Variants in HK1 observed in about 807,000 individuals in gnomAD.
HK1 encodes hexokinase 1.
HK1 carries 28 observed loss-of-function variants against 91.6 expected under a neutral mutation model. The ratio of observed to expected loss-of-function variants is 0.31; its 90% CI spans 0.23 to 0.42. The LOEUF (loss-of-function observed/expected upper bound fraction) is 0.42, where lower values mean the gene tolerates loss of function less well. Among genes scored for constraint, HK1 ranks in the 10% least tolerant of loss-of-function variants. The pLI, the probability that HK1 is intolerant of heterozygous loss-of-function variation, is 1.00. For synonymous variants in HK1, 430 were observed against 468.1 expected (o/e 0.92, Z 1.05); for missense variants, 770 against 1,219.8 (o/e 0.63, Z 5.49).
intron 2 of HK1, among the ~76,000 whole-genome samples, chr10:69,359,094 C>A (rs1849289111): frequency 6.6e-6 from 1 of 151,688 alleles, no homozygotes; most frequent in Non-Finnish European, 1.5e-5. Context: ...TATGGATGAA[C>A]CTTGAAAACG....
intron 15 of HK1, 58 bp from the exon 16 acceptor site, chr10:69,394,892 G>A (rs932932793): frequency 8.9e-6 from 14 of 1,567,412 alleles, no homozygotes; most frequent in Non-Finnish European, 1.2e-5. Context: ...GAGACCGAGG[G>A]GTGACAGTTC....
chr10:69,282,656 T>G (rs368311960), exon 2 of HK1: 1 of 152,188 alleles, frequency 6.6e-6, no homozygotes, highest in African/African-American at 2.4e-5. Flanking sequence ...ACAGTGTATG[T>G]TGTCCTTTTG....
At chr10:69,323,996 G>A (rs183574072) in intron 1 of HK1, among the ~76,000 whole-genome samples, 9 of 152,260 alleles carry the variant, frequency 5.9e-5, no homozygotes, top group Non-Finnish European at 1.3e-4. Context: ...TCTGCATCCA[G>A]GAATCAGTTG....
upstream of HK1, among the ~76,000 whole-genome samples, chr10:69,316,838 C>T (rs1846672301): frequency 6.6e-6 from 1 of 152,230 alleles, no homozygotes; most frequent in Non-Finnish European, 1.5e-5. Context: ...ACATAGTCCT[C>T]CATCCTCAAG....
chr10:69,348,178 A>G (rs1185761193), intron 2 of HK1, among the ~76,000 whole-genome samples: 1 of 152,202 alleles, frequency 6.6e-6, no homozygotes, highest in Non-Finnish European at 1.5e-5. Context: ...TACCCAAAAG[A>G]GAAGTTTTTA....
At chr10:69,343,659 C>A (rs1848401196) in intron 1 of HK1, among the ~76,000 whole-genome samples, 168 bp from the exon 2 acceptor site, 2 of 152,210 alleles carry the variant, frequency 1.3e-5, no homozygotes, top group African/African-American at 4.8e-5. Context: ...ATTTGCAAGC[C>A]TGTTCTGGGT....
intron 4 of HK1, among the ~76,000 whole-genome samples, chr10:69,367,822 GT>G (rs548385730): frequency 4.0e-5 from 6 of 151,758 alleles, no homozygotes; most frequent in East Asian, 3.9e-4. Context: ...TATCTTTTTA[GT>G]TTTTTTTTAA....
At chr10:69,350,628 C>T (rs1277940203) in intron 2 of HK1, among the ~76,000 whole-genome samples, 1 of 151,900 alleles carries the variant, frequency 6.6e-6, no homozygotes, top group African/African-American at 2.4e-5. Flanking sequence ...CGCCATTGCA[C>T]TCCAGCCCGG....
At chr10:69,386,484 C>T (rs1370130507) in intron 13 of HK1, 66 bp downstream of exon 13, 14 of 1,325,616 alleles carry the variant, frequency 1.1e-5, no homozygotes, top group Non-Finnish European at 1.4e-5. Flanking sequence ...AGTGTATTTG[C>T]CTGTTGTAAA....
chr10:69,398,513 G>A (rs140229226), intron 16 of HK1, 82 bp from the exon 17 acceptor site: 44 of 968,294 alleles, frequency 4.5e-5, no homozygotes, highest in African/African-American at 3.4e-4. Context: ...GATTGGGGGC[G>A]GGGGGCGTCC....
At chr10:69,351,262 CT>C (rs1233595571) in intron 2 of HK1, among the ~76,000 whole-genome samples, 1 of 151,990 alleles carries the variant, frequency 6.6e-6, no homozygotes, top group African/African-American at 2.4e-5. Flanking sequence ...AATCCCAGCA[CT>C]TTGGGAGGCC....
At chr10:69,286,937 G>A (rs971982672) in intron 2 of HK1, among the ~76,000 whole-genome samples, 9 of 152,238 alleles carry the variant, frequency 5.9e-5, no homozygotes, top group African/African-American at 2.2e-4. Context: ...ATCCTAGAAG[G>A]CTTTACGCTT....
rs114915086 is a variant in HK1 at position 69,291,642 on chromosome 10, T to A, written c.-115+2872T>A. ...AGGACTGTGCTCTTTCTACCCACCATCAAGCTCAAGGCTGAAAGTGAGGTG... is the reference window on the plus strand; with the variant it reads ...AGGACTGTGCTCTTTCTACCCACCAACAAGCTCAAGGCTGAAAGTGAGGTG... On this transcript the variant is annotated intron_variant, in intron 3 of 21. Coordinates refer to the HK1 transcript ENST00000360289. Among the ~76,000 whole-genome samples, 232 of 152,286 alleles carry A rather than the reference T, an allele frequency of 1.5e-3. 2 individuals carry two copies. The highest frequency in any genetic ancestry group is 5.1e-3 in the African/African-American group (211 of 41,576).
intron 3 of HK1, among the ~76,000 whole-genome samples, chr10:69,361,422 C>A (rs1849412317): frequency 6.6e-6 from 1 of 152,244 alleles, no homozygotes; most frequent in Non-Finnish European, 1.5e-5. Flanking sequence ...TGGCCAGCAG[C>A]CCATGGTTTG....
chr10:69,304,573 G>T (rs1430652410), intron 5 of HK1, among the ~76,000 whole-genome samples: 1 of 152,164 alleles, frequency 6.6e-6, no homozygotes, highest in Non-Finnish European at 1.5e-5. Context: ...CTCCCAAAGC[G>T]CTAGGATTAC....
At chr10:69,275,040 TAA>T (rs1844365176) in intron 1 of HK1, among the ~76,000 whole-genome samples, 1 of 152,288 alleles carries the variant, frequency 6.6e-6, no homozygotes, top group East Asian at 1.9e-4. Context: ...CCAGTATCTC[TAA>T]AAAGAAATAT....
intron 1 of HK1, among the ~76,000 whole-genome samples, chr10:69,340,012 C>T (rs1372076755): frequency 6.6e-6 from 1 of 152,200 alleles, no homozygotes; most frequent in African/African-American, 2.4e-5. Context: ...CTGTAAGCCA[C>T]AAGAGAATTA....
At chr10:69,368,060 T>C (rs1255013719) in intron 4 of HK1, among the ~76,000 whole-genome samples, 1 of 152,228 alleles carries the variant, frequency 6.6e-6, no homozygotes, top group South Asian at 2.1e-4. Context: ...GGGACCTGGC[T>C]CTTAAAAGCT....
At chr10:69,375,500 C>T (rs998306840) in intron 7 of HK1, among the ~76,000 whole-genome samples, 3 of 152,134 alleles carry the variant, frequency 2.0e-5, no homozygotes, top group East Asian at 1.9e-4. Context: ...TGCAGCCAGG[C>T]GGTCACGTCT....
Sources: allele counts gnomAD v4.1 joint callset (sites outside exome capture counted in the v4.1 genomes callset), GRCh38; gene constraint gnomAD v4.1.1; transcripts MANE v1.5; gene names NCBI Gene and HGNC (gene_info 2026-07-23, HGNC 2026-07-21).